The following OR2L13 variants were observed in gnomAD, a reference collection of about 807,000 sequenced individuals.
OR2L13 encodes olfactory receptor 2L13.
Under a neutral mutation model 15.3 loss-of-function variants are expected in OR2L13, and 14 were observed. The observed-to-expected ratio is 0.91, with a 90% CI of 0.60 to 1.43. The LOEUF is 1.43. Ranked by LOEUF, OR2L13 falls within the 40% of genes most tolerant of loss-of-function variation. OR2L13 has a pLI of 0.00. For missense variants in OR2L13, 367 were observed against 387.9 expected, an observed-to-expected ratio of 0.95 and a Z score of 0.45; for synonymous variants, 152 against 142.9, an observed-to-expected ratio of 1.06 and a Z score of -0.45.
At chr1:248,013,751 T>C in the OR2L13 span, 1 of 152,144 alleles carries the variant, frequency 6.6e-6, no homozygotes, top group Non-Finnish European at 1.5e-5. Context: ...ACTGATTATA[T>C]TTGTATTTTA....
At chr1:248,008,682 C>G in the OR2L13 span, among the ~76,000 whole-genome samples, 3 of 152,096 alleles carry the variant, frequency 2.0e-5, no homozygotes, top group Admixed American at 6.5e-5. Flanking sequence ...CTGGACCAAG[C>G]AAATCTAATA....
At chr1:248,010,967 G>T in the OR2L13 span, among the ~76,000 whole-genome samples, 16 of 151,816 alleles carry the variant, frequency 1.1e-4, no homozygotes, top group Non-Finnish European at 2.1e-4. Context: ...GGTTAATATT[G>T]CTATGTGTGA....
the OR2L13 span, among the ~76,000 whole-genome samples, chr1:247,967,585 A>G: frequency 6.6e-6 from 1 of 152,096 alleles, no homozygotes; most frequent in Non-Finnish European, 1.5e-5. Context: ...GATACTATTG[A>G]TGTTTTTTAG....
chr1:247,997,136 G>A, the OR2L13 span: 1 of 152,026 alleles, frequency 6.6e-6, no homozygotes, highest in Non-Finnish European at 1.5e-5. Flanking sequence ...ATATCAAAAT[G>A]TGTCAAATAA....
At chr1:248,076,392 G>T in the OR2L13 span, among the ~76,000 whole-genome samples, 187 of 152,264 alleles carry the variant, frequency 1.2e-3, no homozygotes, top group African/African-American at 4.3e-3. Flanking sequence ...GGAAGTCATT[G>T]GTAGCTTGAT....
chr1:247,939,451 G>A, the OR2L13 span: 22 of 152,132 alleles, frequency 1.4e-4, no homozygotes, highest in Non-Finnish European at 3.2e-4. Flanking sequence ...TTTCACATAT[G>A]TATATGAGAC....
At chr1:247,978,409 T>G in the OR2L13 span, among the ~76,000 whole-genome samples, 1 of 152,218 alleles carries the variant, frequency 6.6e-6, no homozygotes, top group African/African-American at 2.4e-5. Flanking sequence ...CACCGTGCCC[T>G]GCTCTTTAAC....
the OR2L13 span, among the ~76,000 whole-genome samples, chr1:248,050,379 T>G: frequency 1.3e-5 from 2 of 152,296 alleles, no homozygotes; most frequent in Non-Finnish European, 2.9e-5. Context: ...TTTGGATTTA[T>G]TTTTACATAA....
chr1:247,973,583 G>T, the OR2L13 span, among the ~76,000 whole-genome samples: 2 of 151,774 alleles, frequency 1.3e-5, no homozygotes, highest in African/African-American at 4.8e-5. Context: ...AATGTGCAGG[G>T]CCTGTTAAAG....
chr1:248,080,353 C>T, the OR2L13 span, among the ~76,000 whole-genome samples: 4 of 152,110 alleles, frequency 2.6e-5, no homozygotes, highest in African/African-American at 7.2e-5. Flanking sequence ...TAGGAATACA[C>T]GTGACATGGT....
the OR2L13 span, chr1:247,975,518 C>A: frequency 2.8e-6 from 3 of 1,060,834 alleles, no homozygotes; most frequent in Non-Finnish European, 4.4e-6. Context: ...TACCTGCAAT[C>A]TCCAACAGAG....
the OR2L13 span, among the ~76,000 whole-genome samples, chr1:248,052,944 A>G: frequency 6.6e-6 from 1 of 151,484 alleles, no homozygotes; most frequent in East Asian, 1.9e-4. Flanking sequence ...ATTTTTAATA[A>G]TTATTTTATT....
chr1:248,058,753 T>A, the OR2L13 span, among the ~76,000 whole-genome samples: 1 of 152,050 alleles, frequency 6.6e-6, no homozygotes, highest in Non-Finnish European at 1.5e-5. Flanking sequence ...TAAAGAATAT[T>A]AACTTCATTA....
At chr1:247,971,336 TGGAAG>T in the OR2L13 span, among the ~76,000 whole-genome samples, 1 of 152,154 alleles carries the variant, frequency 6.6e-6, no homozygotes, top group Non-Finnish European at 1.5e-5. Context: ...TGCAGTACTT[TGGAAG>T]TAGTGGCACC....
At chr1:247,956,495 C>T in the OR2L13 span, among the ~76,000 whole-genome samples, 1 of 150,068 alleles carries the variant, frequency 6.7e-6, no homozygotes, top group East Asian at 2.0e-4. Flanking sequence ...TCATTGGTAG[C>T]TTGATGGGGA....
chr1:248,030,875 C>A, the OR2L13 span, among the ~76,000 whole-genome samples: 1 of 152,126 alleles, frequency 6.6e-6, no homozygotes, highest in Non-Finnish European at 1.5e-5. Flanking sequence ...TCATTCCATT[C>A]ATGTAGGACA....
chr1:247,968,267 A>G, the OR2L13 span, among the ~76,000 whole-genome samples: 1 of 152,172 alleles, frequency 6.6e-6, no homozygotes, highest in South Asian at 2.1e-4. Flanking sequence ...TAAAACTAAG[A>G]AGTTTTAAGA....
At chr1:248,070,132 A>G in the OR2L13 span, among the ~76,000 whole-genome samples, 2 of 152,200 alleles carry the variant, frequency 1.3e-5, no homozygotes, top group African/African-American at 4.8e-5. Context: ...GACCTAATAG[A>G]CATCTACAGA....
the OR2L13 span, among the ~76,000 whole-genome samples, chr1:248,043,082 C>T: frequency 6.6e-6 from 1 of 152,146 alleles, no homozygotes; most frequent in Non-Finnish European, 1.5e-5. Context: ...GTGCCATTCA[C>T]AGCCCTAGAA....
Sources: allele counts gnomAD v4.1 joint callset (sites outside exome capture counted in the v4.1 genomes callset), GRCh38; gene constraint gnomAD v4.1.1; transcripts MANE v1.5; gene names NCBI Gene and HGNC (gene_info 2026-07-23, HGNC 2026-07-21).